The following RBM15 variants were observed in gnomAD, a reference collection of about 807,000 sequenced individuals.
The protein encoded by RBM15 is RNA binding motif protein 15.
A neutral mutation model predicts 62.6 loss-of-function variants in RBM15; 8 were observed. The ratio of observed to expected loss-of-function variants is 0.13; its 90% CI spans 0.07 to 0.23. The LOEUF is 0.23. Among genes scored for constraint, RBM15 ranks in the 10% least tolerant of loss-of-function variants. The pLI, the probability that RBM15 is intolerant of heterozygous loss-of-function variation, is 1.00. For synonymous variants in RBM15, 606 were observed against 505.7 expected (o/e 1.20, Z -2.66); for missense variants, 1,144 against 1,286.5 (o/e 0.89, Z 1.69).
intron 1 of RBM15, among the ~76,000 whole-genome samples, chr1:110,345,294 A>G (rs114490751): frequency 1.9e-4 from 29 of 152,300 alleles, no homozygotes; most frequent in African/African-American, 6.7e-4. Context: ...TTTAAAAACT[A>G]TTAGCAGGTT....
chr1:110,344,679 C>G (rs557912343), intron 1 of RBM15, among the ~76,000 whole-genome samples: 1 of 152,250 alleles, frequency 6.6e-6, no homozygotes, highest in East Asian at 1.9e-4. Context: ...TCATAATATC[C>G]ATAAAGTATC....
At chr1:110,343,862 A>G (rs2100940467) in intron 1 of RBM15, among the ~76,000 whole-genome samples, 1 of 152,350 alleles carries the variant, frequency 6.6e-6, no homozygotes, top group Non-Finnish European at 1.5e-5. Context: ...ACCCAGGGAA[A>G]TGTCATGTAA....
rs753150584 is a variant in RBM15 at position 110,340,199 on chromosome 1, C to T, written c.794C>T (p.Thr265Ile). ...RRSRSPLDKD[T>I]YPPSASVVGA... The stretch of plus-strand genomic sequence containing the variant: ...AGCCGCTCCCCTTTAGACAAAGATA[C>T]TTATCCTCCATCAGCCAGTGTGGTC... The change falls in exon 1 of 3, where the codon ACT becomes ATT. Residue 265 changes from threonine to isoleucine, a missense_variant. Around this residue, in one of 8 missense-constraint regions of RBM15, gnomAD observed 188 missense variants for 185.6 expected, o/e 1.01. Transcript: ENST00000369784. The surrounding 1 kb of genome is among the most constrained non-coding windows in gnomAD (Gnocchi z 5.8). The T allele has an allele frequency of 8.7e-6, 14 of 1,614,156 alleles. No individual in the cohort carries two copies. Among genetic ancestry groups the T allele is most frequent in the Non-Finnish European group, 1.2e-5 (14 of 1,179,992 alleles).
rs751175647 is a variant in RBM15, at chr1:110,340,072, C to T, written c.667C>T (p.Arg223Trp). ...TGAGCGGGTAGCCTTTGTGAACTTC[C>T]GGCGGCCAGAGGACGCGCGGGCGGC... ...GDERVAFVNF[R>W]RPEDARAAKH... The change falls in exon 1 of 3, where the codon CGG becomes TGG. Residue 223 changes from arginine to tryptophan, a missense_variant. Arg to Trp is a moderately radical substitution (Grantham distance 101). Transcript: ENST00000369784. The surrounding 1 kb of genome is among the most constrained non-coding windows in gnomAD (Gnocchi z 5.8). 9 of 1,613,980 alleles carry T rather than the reference C, an allele frequency of 5.6e-6. No homozygotes were observed. The highest frequency in any genetic ancestry group is 1.3e-5 in the African/African-American group (1 of 75,042).
chr1:110,343,692 C>T (rs1660846374), intron 1 of RBM15, among the ~76,000 whole-genome samples: 3 of 151,966 alleles, frequency 2.0e-5, no homozygotes, highest in Non-Finnish European at 4.4e-5. Context: ...AAGACTTCAG[C>T]TAAGGCCCTT....
Position 110,346,297 on chromosome 1 carries a change from C to T in RBM15, c.*41-11C>T, listed in dbSNP as rs1660896409. On this transcript the variant is annotated splice_polypyrimidine_tract_variant and intron_variant, in intron 2 of 2. Coordinates refer to ENST00000369784, the MANE Select transcript of RBM15 (RefSeq NM_022768.5). ...TGTACTGAATAACCTTTTTTTCCCC[C>T]CCTCCGCAAGCAAAACTGGTTGAAC... is the stretch of plus-strand genomic sequence containing the variant. 2 of 1,596,518 alleles carry T rather than the reference C, an allele frequency of 1.3e-6. No homozygotes were observed. Among genetic ancestry groups the T allele is most frequent in the Non-Finnish European group, 1.7e-6 (2 of 1,179,090 alleles).
chr1:110,340,875 T>C lies in RBM15; in HGVS notation c.1470T>C (p.Asp490=), dbSNP rs756768677. 8 of 1,614,180 alleles carry C rather than the reference T, an allele frequency of 5.0e-6. No homozygotes were observed. The South Asian group carries it at 8.8e-5, about 18-fold the overall frequency. ...GCACCATAGACTACCGAAAAGGTGA[T>C]AGTTGGGCATATATCCAGTATGAAA... ...TIRTIDYRKG[D]SWAYIQYESL... Residue 490 remains aspartate (D), a synonymous_variant, in exon 1 of 3, where the codon GAT becomes GAC. Transcript: ENST00000369784. The surrounding 1 kb of genome is among the most constrained non-coding windows in gnomAD (Gnocchi z 5.8).
chr1:110,341,099 G>A lies in RBM15; in HGVS notation c.1694G>A (p.Arg565Gln). ...HRAPDPLRGARDRTPPLLYRD... is the reference protein window; with the variant it reads ...HRAPDPLRGAQDRTPPLLYRD... ...GCACCAGACCCTTTGAGGGGTGCTC[G>A]GGATAGGACACCACCCTTACTATAC... Residue 565 changes from arginine (R) to glutamine (Q), a missense_variant, in exon 1 of 3, where the codon CGG becomes CAG. Transcript: ENST00000369784. This position sits in a 1 kb window ranked among gnomAD's most constrained non-coding sequence, Gnocchi z 4.5. 6.2e-7 allele frequency: 1 copy of A among 1,614,158 alleles called. No individual in the cohort carries two copies. Among genetic ancestry groups the A allele is most frequent in the South Asian group, 1.1e-5 (1 of 91,074 alleles).
Position 110,339,840 on chromosome 1 carries a change from G to A in RBM15, c.435G>A (p.Arg145=), listed in dbSNP as rs1196724871. Residue 145 remains arginine (R), a synonymous_variant, in exon 1 of 3, where the codon CGG becomes CGA. Coordinates refer to ENST00000369784, the MANE Select transcript of RBM15 (RefSeq NM_022768.5). The stretch of plus-strand genomic sequence containing the variant: ...GGGGCGAATCGCGCAGCAGCTCCCG[G>A]GGTGGAGGCGGGGAGTCACGTTCCT... ...SGGGESRSSS[R]GGGGESRSSG... is the part of the protein sequence containing the mutation. 3.1e-6 allele frequency: 5 copies of A among 1,599,430 alleles called. No homozygotes were observed. The highest frequency in any genetic ancestry group is 4.3e-6 in the Non-Finnish European group (5 of 1,169,546).
chr1:110,341,562 TA>T lies in RBM15; in HGVS notation c.2162del (p.Asn721ThrfsTer23). ...AGAGCCAGGGTGACAAGCGAGACCG[TA>T]AAAACTCTGCATCAGCTGAACGAGA... ...EKSQGDKRDR[K>X]NSASAERDRK... On this transcript the variant is annotated frameshift_variant, in exon 1 of 3. Transcript: ENST00000369784. LOFTEE classifies it high-confidence loss of function. This position sits in a 1 kb window ranked among gnomAD's most constrained non-coding sequence, Gnocchi z 4.5. The T allele has an allele frequency of 6.2e-7, 1 of 1,613,932 alleles. No homozygotes were observed. Among genetic ancestry groups the T allele is most frequent in the East Asian group, 2.2e-5 (1 of 44,850 alleles).
Position 110,345,658 on chromosome 1 carries a change from A to G in RBM15, c.*40+9A>G, listed in dbSNP as rs756202914. 7 of 1,485,492 alleles carry G rather than the reference A, an allele frequency of 4.7e-6. No individual in the cohort carries two copies. In the Admixed American group the frequency reaches 1.5e-4, roughly 32 times the overall value. 92.0% of individuals were successfully genotyped at this position (1,485,492 alleles called of 1,614,324 possible). On this transcript the variant is annotated intron_variant, in intron 2 of 2. Transcript: ENST00000369784. ...GGAGGAAATGATTTCAGGTAACCAC[A>G]GTGAAATGTTAAGCTGAATGAAGAG... is the stretch of plus-strand genomic sequence containing the variant.
At position 110,341,640 on chromosome 1, in the gene RBM15, A is replaced by G. The variant is rs1660800601; in HGVS notation, c.2235A>G (p.Lys745=). The G allele has an allele frequency of 6.2e-7, 1 of 1,614,034 alleles. No homozygotes were observed. Among genetic ancestry groups the G allele is most frequent in the Non-Finnish European group, 8.5e-7 (1 of 1,180,038 alleles). ...APTEGKSPLK[K]EDRSDGSAPS... ...CTGAGGGAAAAAGCCCTCTGAAAAA[A>G]GAAGACCGCTCTGATGGGAGTGCAC... Residue 745 remains lysine, a synonymous_variant, in exon 1 of 3, where the codon AAA becomes AAG. Transcript: ENST00000369784. This position sits in a 1 kb window ranked among gnomAD's most constrained non-coding sequence, Gnocchi z 4.5.
rs1280321947 is a variant in RBM15 at position 110,346,417 on chromosome 1, A to G, written c.*150A>G. 6.9e-7 allele frequency: 1 copy of G among 1,453,422 alleles called. No individual in the cohort carries two copies. The highest frequency in any genetic ancestry group is 9.5e-7 in the Non-Finnish European group (1 of 1,050,448). The allele number at this position is 1,453,422 out of a possible 1,614,324, so 90.0% of individuals were successfully genotyped here. ...TTTACATGGGCCTCTGATGGAAGAA[A>G]GCTAATCTGTTTAGTATTTGTGCAT... On this transcript the variant is annotated 3_prime_UTR_variant, in exon 3 of 3. Transcript: ENST00000369784.
intron 1 of RBM15, among the ~76,000 whole-genome samples, chr1:110,343,737 C>T (rs1001540817): frequency 6.6e-6 from 1 of 152,122 alleles, no homozygotes; most frequent in Admixed American, 6.5e-5. Flanking sequence ...TTTGGACCTT[C>T]TGGATCATGG....
In RBM15 at chr1:110,341,000, G is replaced by A; in HGVS notation, c.1595G>A (p.Arg532His). 2 of 1,614,148 alleles carry A rather than the reference G, an allele frequency of 1.2e-6. No individual in the cohort carries two copies. Among genetic ancestry groups the A allele is most frequent in the South Asian group, 1.1e-5 (1 of 91,088 alleles). The change falls in exon 1 of 3, where the codon CGT becomes CAT. Residue 532 changes from arginine to histidine, a missense_variant. By Grantham distance (29) the Arg-to-His change is conservative. Coordinates refer to ENST00000369784, the MANE Select transcript of RBM15 (RefSeq NM_022768.5). The surrounding 1 kb of genome is among the most constrained non-coding windows in gnomAD (Gnocchi z 5.8). ...LRVDFADTEH[R>H]YQQQYLQPLP... is the part of the protein sequence containing the mutation. The stretch of plus-strand genomic sequence containing the variant: ...GTAGACTTTGCCGACACCGAACATC[G>A]TTACCAGCAGCAGTATCTGCAGCCT...
At chr1:110,344,062 A>G (rs972621949) in intron 1 of RBM15, among the ~76,000 whole-genome samples, 2 of 152,198 alleles carry the variant, frequency 1.3e-5, no homozygotes, top group Non-Finnish European at 2.9e-5. Context: ...GTTCTAGGCT[A>G]TGAGCATGAA....
At position 110,340,969 on chromosome 1, in the gene RBM15, C is replaced by T. The variant is rs369562593; in HGVS notation, c.1564C>T (p.Leu522Phe). Reference sequence around the variant, plus strand: ...CCCACTTGGTGGCCCAGATCGACGCCTTAGAGTAGACTTTGCCGACACCGA... The same window carrying T: ...CCCACTTGGTGGCCCAGATCGACGCTTTAGAGTAGACTTTGCCGACACCGA... ...GFPLGGPDRR[L>F]RVDFADTEHR... is the part of the protein sequence containing the mutation. Residue 522 changes from leucine to phenylalanine, a missense_variant, in exon 1 of 3, where the codon CTT becomes TTT. By Grantham distance (22) the Leu-to-Phe change is conservative. Around this residue, in one of 8 missense-constraint regions of RBM15, gnomAD observed 105 missense variants for 193.6 expected, o/e 0.54. Coordinates refer to ENST00000369784, the MANE Select transcript of RBM15 (RefSeq NM_022768.5). This position sits in a 1 kb window ranked among gnomAD's most constrained non-coding sequence, Gnocchi z 5.8. The T allele has an allele frequency of 2.5e-6, 4 of 1,614,100 alleles. No individual in the cohort carries two copies. Among genetic ancestry groups the T allele is most frequent in the African/African-American group, 1.3e-5 (1 of 74,944 alleles).
In RBM15 at chr1:110,339,891, C is replaced by T. The variant is rs60454212; in HGVS notation, c.486C>T (p.Gly162=). 6.7e-4 allele frequency: 1,071 copies of T among 1,604,036 alleles called. 6 individuals carry two copies. In the African/African-American group the frequency reaches 0.012, roughly 17 times the overall value. The change falls in exon 1 of 3, where the codon GGC becomes GGT. Residue 162 remains glycine, a synonymous_variant. Coordinates refer to ENST00000369784, the MANE Select transcript of RBM15 (RefSeq NM_022768.5). ...RSSGAASSAP[G]GGDGAEYKTL... is the part of the protein sequence containing the mutation. ...CTGGGGCCGCCTCCTCAGCTCCCGGCGGCGGGGACGGCGCGGAATACAAGA... is the reference window on the plus strand; with the variant it reads ...CTGGGGCCGCCTCCTCAGCTCCCGGTGGCGGGGACGGCGCGGAATACAAGA...
rs1039925117 is a variant in RBM15, at chr1:110,340,391, G to C, written c.986G>C (p.Arg329Thr). Reference protein sequence around the residue: ...PPPPLPRDLERERDYPFYERV... With the variant: ...PPPPLPRDLETERDYPFYERV... Reference sequence around the variant, plus strand: ...CCACCATTGCCTCGAGACCTGGAGAGAGAAAGAGACTACCCGTTCTATGAG... The same window carrying C: ...CCACCATTGCCTCGAGACCTGGAGACAGAAAGAGACTACCCGTTCTATGAG... The change falls in exon 1 of 3, where the codon AGA (arginine) becomes ACA (threonine). Residue 329 changes from arginine (R) to threonine (T), a missense_variant. Coordinates refer to ENST00000369784, the MANE Select transcript of RBM15 (RefSeq NM_022768.5). This position sits in a 1 kb window ranked among gnomAD's most constrained non-coding sequence, Gnocchi z 5.8. 5.6e-6 allele frequency: 9 copies of C among 1,614,086 alleles called. No homozygotes were observed. In the African/African-American group the frequency reaches 1.1e-4, roughly 19 times the overall value.
Sources: allele counts gnomAD v4.1 joint callset (sites outside exome capture counted in the v4.1 genomes callset), GRCh38; gene constraint gnomAD v4.1.1; regional missense constraint gnomAD v4.1.1; non-coding constraint Gnocchi (gnomAD v3.1); transcripts MANE v1.5; gene names NCBI Gene and HGNC (gene_info 2026-07-23, HGNC 2026-07-21).